The following ZP4 variants were observed in gnomAD, a reference collection of about 807,000 sequenced individuals.
ZP4 encodes zona pellucida sperm-binding protein 4.
ZP4 carries 62 observed loss-of-function variants against 62.3 expected under a neutral mutation model. The observed-to-expected ratio is 0.99, with a 90% CI of 0.81 to 1.23. The LOEUF is 1.23. Among genes scored for constraint, ZP4 ranks in the 50% most tolerant of loss-of-function variants. The probability of loss-of-function intolerance (pLI) is 0.00; values close to 1 mark genes in which losing one functional copy is unlikely to be tolerated. For missense variants in ZP4, 774 were observed against 656.0 expected (o/e 1.18, Z -1.97); for synonymous variants, 289 against 247.3 (o/e 1.17, Z -1.58).
intron 3 of ZP4, 94 bp downstream of exon 3, chr1:237,889,773 T>G (rs1571935923): frequency 9.5e-7 from 1 of 1,047,768 alleles, no homozygotes. Context: ...TAGTGTCAGG[T>G]GTCACTGCAC....
At chr1:237,883,936 C>T (rs114140527) in intron 10 of ZP4, among the ~76,000 whole-genome samples, 2,210 of 148,900 alleles carry the variant, frequency 0.015, 28 homozygotes, top group Non-Finnish European at 0.024. Flanking sequence ...CTCCAACCTG[C>T]ATGACAGAGC....
rs527859514 is a variant in ZP4 at position 237,890,157 on chromosome 1, G to C, written c.195C>G (p.His65Gln). 2 of 1,613,868 alleles carry C rather than the reference G, an allele frequency of 1.2e-6. No individual in the cohort carries two copies. Among genetic ancestry groups the C allele is most frequent in the African/African-American group, 2.7e-5 (2 of 74,886 alleles). The change falls in exon 2 of 12, where the codon CAC becomes CAG. Residue 65 changes from histidine to glutamine, a missense_variant. Coordinates refer to ENST00000366570, the MANE Select transcript of ZP4 (RefSeq NM_021186.5). ...LIAWDNQGLLHELQNDSDCGT... is the reference protein window; with the variant it reads ...LIAWDNQGLLQELQNDSDCGT... The stretch of plus-strand genomic sequence containing the variant: ...CACAGTCGGAGTCATTCTGCAGCTC[G>C]TGCAGCAGCCCTTGGTTGTCTGGAG...
intron 6 of ZP4, 43 bp from the exon 7 acceptor site, chr1:237,885,929 G>T (rs1192318624): frequency 6.2e-7 from 1 of 1,611,076 alleles, no homozygotes; most frequent in Non-Finnish European, 8.5e-7. Context: ...GTGGGAAGTG[G>T]GTGTCAGTTA....
intron 4 of ZP4, 118 bp downstream of exon 4, chr1:237,888,240 T>C (rs1393268989): frequency 9.3e-7 from 1 of 1,072,796 alleles, no homozygotes; most frequent in Non-Finnish European, 1.3e-6. Flanking sequence ...CTTGGATGCA[T>C]GGCTACATGG....
chr1:237,886,402 A>G (rs1665102546), intron 6 of ZP4, among the ~76,000 whole-genome samples: 1 of 150,712 alleles, frequency 6.6e-6, no homozygotes, highest in Non-Finnish European at 1.5e-5. Context: ...TTTTTTGTCC[A>G]TGGCTTTAAG....
Position 237,890,095 on chromosome 1 carries a change from A to T in ZP4, c.257T>A (p.Val86Glu), listed in dbSNP as rs774701026. 1 of 1,614,128 alleles carries T rather than the reference A, an allele frequency of 6.2e-7. No individual in the cohort carries two copies. Among genetic ancestry groups the T allele is most frequent in the Non-Finnish European group, 8.5e-7 (1 of 1,180,026 alleles). ...GCAGCTGCTATAGGTTGCCTCCAAC[A>T]CCACGGAGCTGCCTGGACCTTTTCT... is the stretch of plus-strand genomic sequence containing the variant. ...WIRKGPGSSV[V>E]LEATYSSCYV... The change falls in exon 2 of 12, where the codon GTG becomes GAG. Residue 86 changes from valine (V) to glutamate (E), a missense_variant. Physicochemically the swap from Val to Glu is moderately radical, Grantham distance 121. Coordinates refer to ENST00000366570, the MANE Select transcript of ZP4 (RefSeq NM_021186.5).
chr1:237,886,927 G>T (rs957612312), intron 5 of ZP4, 59 bp from the exon 6 acceptor site: 1 of 1,464,702 alleles, frequency 6.8e-7, no homozygotes, highest in Non-Finnish European at 9.5e-7. Flanking sequence ...TGCTTGACTT[G>T]CATCTGGTCT....
chr1:237,884,234 T>C (rs928746237), intron 10 of ZP4, among the ~76,000 whole-genome samples: 2 of 152,154 alleles, frequency 1.3e-5, no homozygotes, highest in South Asian at 4.1e-4. Flanking sequence ...TAAAGCACCA[T>C]TTAGTTACTA....
At chr1:237,888,179 G>A (rs475627) in intron 4 of ZP4, among the ~76,000 whole-genome samples, 179 bp downstream of exon 4, 17,376 of 152,274 alleles carry the variant, frequency 0.11, 3,308 homozygotes, top group African/African-American at 0.39. Context: ...TGGATTCTGG[G>A]AGAATGGACA....
Position 237,883,963 on chromosome 1 carries a change from CACAAACACACACACACACAA to C in ZP4, c.1390+786_1390+805del, listed in dbSNP as rs1558530625. 2.8e-3 allele frequency among the ~76,000 whole-genome samples: 220 copies of C among 77,570 alleles called. 5 individuals are homozygous for C. The highest frequency in any genetic ancestry group is 0.014 in the African/African-American group (189 of 13,894). The allele number at this position is 77,570 out of a possible 152,430, so 50.9% of individuals were successfully genotyped here. ...TGACAGAGCAAGAACTGGTCACACA[CACAAACACACACACACACAA>C]ACACACACACACACACACACACACA... On this transcript the variant is annotated intron_variant, in intron 10 of 11. Coordinates refer to ENST00000366570, the MANE Select transcript of ZP4 (RefSeq NM_021186.5).
intron 4 of ZP4, 84 bp from the exon 5 acceptor site, chr1:237,887,645 T>A: frequency 1.4e-6 from 2 of 1,417,200 alleles, no homozygotes; most frequent in Non-Finnish European, 1.9e-6. Flanking sequence ...CTTAGTTACT[T>A]TTAATCCCAC....
chr1:237,884,033 A>AACACACACAAACACAC (rs1360078399), intron 10 of ZP4, among the ~76,000 whole-genome samples: 2 of 80,530 alleles, frequency 2.5e-5, no homozygotes, highest in African/African-American at 1.3e-4. Flanking sequence ...CACACACACA[A>AACACACACAAACACAC]ACACACACAA....
At chr1:237,886,984 T>C in intron 5 of ZP4, 116 bp from the exon 6 acceptor site, 2 of 887,792 alleles carry the variant, frequency 2.3e-6, no homozygotes, top group Non-Finnish European at 3.5e-6. Context: ...TTCCTATTAC[T>C]TCAGCAGAGG....
chr1:237,887,281 C>A (rs79846385), intron 5 of ZP4, 93 bp downstream of exon 5: 3 of 1,424,462 alleles, frequency 2.1e-6, no homozygotes, highest in African/African-American at 2.8e-5. Flanking sequence ...TCACAAGTAT[C>A]GTTCACGGCC....
In ZP4 at chr1:237,885,709, A is replaced by C. The variant is rs566703510; in HGVS notation, c.970+47T>G. 2.5e-6 allele frequency: 4 copies of C among 1,607,692 alleles called. No individual in the cohort carries two copies. The African/African-American group carries it at 4.0e-5, about 16-fold the overall frequency. ...ACTTAGGGTCTTCATGCCCCAGAAG[A>C]CTGGATTTAGACTATAGGCCAGATA... On this transcript the variant is annotated intron_variant, in intron 7 of 11. Coordinates refer to ENST00000366570, the MANE Select transcript of ZP4 (RefSeq NM_021186.5).
At chr1:237,885,126 T>G in intron 9 of ZP4, 39 bp downstream of exon 9, 1 of 1,602,008 alleles carries the variant, frequency 6.2e-7, no homozygotes, top group Non-Finnish European at 8.5e-7. Context: ...TTGGGGAGGT[T>G]CAGAGCCCTG....
intron 1 of ZP4, 47 bp from the exon 2 acceptor site, chr1:237,890,223 G>A: frequency 6.2e-7 from 1 of 1,611,972 alleles, no homozygotes; most frequent in Non-Finnish European, 8.5e-7. Flanking sequence ...TCAGTCTCCA[G>A]TGCCAGAAAG....
chr1:237,882,955 C>T, intron 10 of ZP4, 109 bp from the exon 11 acceptor site: 1 of 766,690 alleles, frequency 1.3e-6, no homozygotes. Flanking sequence ...TGGTTCTATG[C>T]CTTACAAAAA....
intron 3 of ZP4, among the ~76,000 whole-genome samples, chr1:237,889,315 A>ATTTTTTTT (rs11348205): frequency 1.6e-5 from 2 of 125,760 alleles, no homozygotes. Context: ...GATAGGTTGT[A>ATTTTTTTT]TTTTTTTTTT....
Sources: gnomAD v4.1 joint callset for allele counts (sites outside exome capture counted in the v4.1 genomes callset) on GRCh38, gnomAD v4.1.1 for gene constraint, MANE v1.5 for transcripts, NCBI Gene and HGNC (gene_info 2026-07-23, HGNC 2026-07-21) for gene names.